FHIT: variants seen among roughly 807,000 people sequenced by gnomAD.
FHIT encodes the protein fragile histidine triad diadenosine triphosphatase, also known as bis(5'-adenosyl)-triphosphatase.
Under a neutral mutation model 17.9 loss-of-function variants are expected in FHIT, and 19 were observed. That is an observed-to-expected ratio of 1.06 (90% CI 0.74 to 1.56). FHIT has a LOEUF of 1.56. Among genes scored for constraint, FHIT ranks in the 40% most tolerant of loss-of-function variants. The pLI is 0.00. For missense variants in FHIT, 248 were observed against 189.2 expected, an observed-to-expected ratio of 1.31 and a Z score of -1.82; for synonymous variants, 81 against 69.7, an observed-to-expected ratio of 1.16 and a Z score of -0.81.
At chr3:59,877,436 A>T (rs1319453208) in intron 8 of FHIT, among the ~76,000 whole-genome samples, 2 of 152,210 alleles carry the variant, frequency 1.3e-5, no homozygotes, top group African/African-American at 4.8e-5. Context: ...CGACATGAAG[A>T]TATGGCTGCA....
intron 8 of FHIT, among the ~76,000 whole-genome samples, chr3:59,784,590 G>T (rs1174731458): frequency 6.6e-6 from 1 of 152,204 alleles, no homozygotes; most frequent in African/African-American, 2.4e-5. Context: ...ACAGAAGGTG[G>T]CTTTACGTAG....
chr3:60,579,051 T>C (rs2037667941), intron 4 of FHIT, among the ~76,000 whole-genome samples: 1 of 152,152 alleles, frequency 6.6e-6, no homozygotes, highest in Admixed American at 6.6e-5. Context: ...ACCTGCAAAT[T>C]GTCCTTTCAC....
At chr3:61,184,661 A>C (rs895258595) in intron 2 of FHIT, among the ~76,000 whole-genome samples, 1 of 152,132 alleles carries the variant, frequency 6.6e-6, no homozygotes, top group Non-Finnish European at 1.5e-5. Context: ...GCTAGCTCAC[A>C]TCTATTGTGA....
At chr3:60,484,290 A>T (rs566454136) in intron 5 of FHIT, among the ~76,000 whole-genome samples, 1 of 152,182 alleles carries the variant, frequency 6.6e-6, no homozygotes, top group Non-Finnish European at 1.5e-5. Flanking sequence ...ACTACTATTG[A>T]CATCCCTCAC....
chr3:60,554,955 C>T (rs367617395), intron 4 of FHIT, among the ~76,000 whole-genome samples: 1 of 152,260 alleles, frequency 6.6e-6, no homozygotes, highest in East Asian at 1.9e-4. Flanking sequence ...TATAGACTTA[C>T]TCCTATTTTA....
chr3:59,990,352 T>C (rs113408823), intron 7 of FHIT, among the ~76,000 whole-genome samples: 52 of 152,192 alleles, frequency 3.4e-4, no homozygotes, highest in African/African-American at 1.2e-3. Context: ...TCTAATTCTT[T>C]TTCCTGTGGA....
chr3:60,405,838 T>G (rs1268383998), intron 5 of FHIT, among the ~76,000 whole-genome samples: 1 of 152,198 alleles, frequency 6.6e-6, no homozygotes. Context: ...TGTGCTATGC[T>G]TGAGAAACCC....
chr3:60,700,534 T>C (rs531637622), intron 4 of FHIT, among the ~76,000 whole-genome samples: 2 of 148,288 alleles, frequency 1.3e-5, no homozygotes, highest in African/African-American at 5.3e-5. Flanking sequence ...GTTAATGTTA[T>C]TTGTCTTGAT....
chr3:60,988,374 C>A (rs2029876135), intron 3 of FHIT, among the ~76,000 whole-genome samples: 5 of 152,086 alleles, frequency 3.3e-5, no homozygotes, highest in Admixed American at 3.3e-4. Flanking sequence ...CTGTGATGAA[C>A]AAAAGAATCC....
chr3:60,267,561 G>C (rs996325138), intron 5 of FHIT, among the ~76,000 whole-genome samples: 1 of 151,844 alleles, frequency 6.6e-6, no homozygotes, highest in African/African-American at 2.4e-5. Flanking sequence ...TTTATCCTAG[G>C]TCTCCACGGG....
At chr3:59,790,514 C>G (rs891885209) in intron 8 of FHIT, among the ~76,000 whole-genome samples, 1 of 136,636 alleles carries the variant, frequency 7.3e-6, no homozygotes, top group South Asian at 2.3e-4. Context: ...CTTTCTCTCT[C>G]TCTCTCTCTC....
At chr3:60,542,041 C>A (rs973491704) in intron 4 of FHIT, among the ~76,000 whole-genome samples, 7 of 152,100 alleles carry the variant, frequency 4.6e-5, no homozygotes, top group Admixed American at 1.3e-4. Context: ...ATTCAGAATC[C>A]TCTTTACATG....
At chr3:61,191,716 C>G (rs1027063785) in intron 2 of FHIT, among the ~76,000 whole-genome samples, 5 of 152,032 alleles carry the variant, frequency 3.3e-5, no homozygotes, top group African/African-American at 1.2e-4. Flanking sequence ...CCCTTTAGCT[C>G]CAAGGGCAGC....
At chr3:60,226,472 C>CAAAA (rs1189100387) in intron 5 of FHIT, among the ~76,000 whole-genome samples, 19 of 70,116 alleles carry the variant, frequency 2.7e-4, no homozygotes, top group Middle Eastern at 8.9e-3. Flanking sequence ...AACTCCGTCT[C>CAAAA]AAAAAAAAAA....
intron 2 of FHIT, among the ~76,000 whole-genome samples, chr3:61,160,376 T>A: frequency 6.6e-6 from 1 of 152,218 alleles, no homozygotes; most frequent in East Asian, 1.9e-4. Context: ...TAAATGTATT[T>A]GTTTCTTTGT....
At chr3:60,255,332 G>A (rs193116341) in intron 5 of FHIT, among the ~76,000 whole-genome samples, 15 of 152,210 alleles carry the variant, frequency 9.9e-5, no homozygotes, top group Admixed American at 4.6e-4. Context: ...ATCAAACCAC[G>A]CAGAAACAAC....
At position 60,504,426 on chromosome 3, in the gene FHIT, G is replaced by A. The variant is rs534807789; in HGVS notation, c.103+32434C>T. On this transcript the variant is annotated intron_variant, in intron 5 of 9. Coordinates refer to ENST00000492590, the MANE Select transcript of FHIT (RefSeq NM_002012.4). The stretch of plus-strand genomic sequence containing the variant: ...CAGCCTGGCGACAGAACGAGACCCC[G>A]TCTCAAAAAAAAAAAAATTTTTTTT... Among the ~76,000 whole-genome samples the A allele has an allele frequency of 9.1e-3, 1,087 of 119,584 alleles. 15 individuals carry two copies. The highest frequency in any genetic ancestry group is 0.034 in the African/African-American group (1,037 of 30,656). 78.5% of individuals were successfully genotyped at this position (119,584 alleles called of 152,430 possible).
At chr3:61,097,077 T>C (rs1336384168) in intron 2 of FHIT, among the ~76,000 whole-genome samples, 2 of 40,016 alleles carry the variant, frequency 5.0e-5, no homozygotes, top group African/African-American at 2.0e-4. Context: ...AGACTCAATC[T>C]CAAAAAAAAA....
At chr3:60,141,117 T>C (rs1700022213) in intron 5 of FHIT, among the ~76,000 whole-genome samples, 1 of 152,074 alleles carries the variant, frequency 6.6e-6, no homozygotes, top group South Asian at 2.1e-4. Flanking sequence ...CTGTCAGTCA[T>C]CTACTGTGCA....
Sources: gnomAD v4.1 joint callset for allele counts (sites outside exome capture counted in the v4.1 genomes callset) on GRCh38, gnomAD v4.1.1 for gene constraint, MANE v1.5 for transcripts, NCBI Gene and HGNC (gene_info 2026-07-23, HGNC 2026-07-21) for gene names.